The following MYO10 variants were observed in gnomAD, a reference collection of about 807,000 sequenced individuals.
The protein encoded by MYO10 is myosin X.
Under a neutral mutation model 257.3 loss-of-function variants are expected in MYO10, and 133 were observed. The ratio of observed to expected loss-of-function variants is 0.52; its 90% CI spans 0.45 to 0.60. MYO10 has a LOEUF of 0.60. Ranked by LOEUF, MYO10 falls within the 20% of genes least tolerant of loss-of-function variation. MYO10 has a pLI of 0.00. For synonymous variants in MYO10, 1,104 were observed against 1,028.6 expected (o/e 1.07, Z -1.40); for missense variants, 2,399 against 2,635.7 (o/e 0.91, Z 1.97).
chr5:16,838,284 T>G (rs1223303112), intron 2 of MYO10, among the ~76,000 whole-genome samples: 1 of 152,164 alleles, frequency 6.6e-6, no homozygotes, highest in East Asian at 1.9e-4. Flanking sequence ...GGAAAATTTC[T>G]TGAAGGAAAT....
intron 2 of MYO10, among the ~76,000 whole-genome samples, chr5:16,823,467 G>GTTTTTTTT (rs1561003861): frequency 7.5e-4 from 3 of 3,978 alleles, no homozygotes; most frequent in African/African-American, 2.0e-3. Context: ...GGGGAGTGGG[G>GTTTTTTTT]ATTTTTTTTT....
At chr5:16,860,282 C>T (rs985639357) in intron 2 of MYO10, among the ~76,000 whole-genome samples, 1 of 152,132 alleles carries the variant, frequency 6.6e-6, no homozygotes, top group Non-Finnish European at 1.5e-5. Context: ...CAGGAAGTAG[C>T]TCGACTGGAA....
chr5:16,860,533 A>G (rs1418517782), intron 2 of MYO10, among the ~76,000 whole-genome samples: 3 of 152,210 alleles, frequency 2.0e-5, no homozygotes, highest in Admixed American at 6.5e-5. Context: ...CAAAGGCCCC[A>G]GTGGTTATGA....
At chr5:16,823,468 A>T (rs868428712) in intron 2 of MYO10, among the ~76,000 whole-genome samples, 3,603 of 6,424 alleles carry the variant, frequency 0.56, 1,270 homozygotes, top group Non-Finnish European at 0.68. Flanking sequence ...GGGAGTGGGG[A>T]TTTTTTTTTT....
intron 4 of MYO10, among the ~76,000 whole-genome samples, chr5:16,791,667 A>C (rs1001834636): frequency 2.0e-5 from 3 of 152,230 alleles, no homozygotes; most frequent in Non-Finnish European, 4.4e-5. Context: ...CACTGAATGT[A>C]ATAAATACAA....
intron 1 of MYO10, among the ~76,000 whole-genome samples, chr5:16,922,400 C>G (rs546572289): frequency 6.6e-6 from 1 of 152,190 alleles, no homozygotes; most frequent in South Asian, 2.1e-4. Flanking sequence ...AGCAAAGTTT[C>G]AGAGAGATAA....
chr5:16,818,173 G>A lies in MYO10; in HGVS notation c.121-6C>T. 2.6e-6 allele frequency: 4 copies of A among 1,519,856 alleles called. No homozygotes were observed. Among genetic ancestry groups the A allele is most frequent in the Non-Finnish European group, 3.6e-6 (4 of 1,124,160 alleles). The allele number at this position is 1,519,856 out of a possible 1,614,324, so 94.1% of individuals were successfully genotyped here. A position where few individuals can be genotyped will look rare whatever the true frequency, so the allele number is the denominator to read the frequency against. ...CTCTGCTTGTAAGTGAATACCTGAGGGAGGGAGAGGAATTCAATTATTTCA... is the reference window on the plus strand; with the variant it reads ...CTCTGCTTGTAAGTGAATACCTGAGAGAGGGAGAGGAATTCAATTATTTCA... On this transcript the variant is annotated splice_polypyrimidine_tract_variant and splice_region_variant and intron_variant, in intron 2 of 40. Coordinates refer to ENST00000513610, the MANE Select transcript of MYO10 (RefSeq NM_012334.3).
chr5:16,921,943 A>T (rs249122), intron 1 of MYO10, among the ~76,000 whole-genome samples: 22 of 151,934 alleles, frequency 1.4e-4, no homozygotes, highest in Non-Finnish European at 2.6e-4. Context: ...GGCCGGGCAC[A>T]GCAGCTCCCA....
chr5:16,706,310 T>TATATATAC (rs528348703), intron 21 of MYO10, among the ~76,000 whole-genome samples: 270 of 151,862 alleles, frequency 1.8e-3, no homozygotes, highest in African/African-American at 6.2e-3. Flanking sequence ...AATATATATA[T>TATATATAC]ACACACACAC....
rs147742660 is a variant in MYO10, at chr5:16,747,646, C to T, written c.1929+7182G>A. On this transcript the variant is annotated intron_variant, in intron 19 of 40. Coordinates refer to ENST00000513610, the MANE Select transcript of MYO10 (RefSeq NM_012334.3). ...CATAAAAGAAGATAGAGGCTGGACG[C>T]GGTGGCTCACACCTGTAATCCCAGC... is the stretch of plus-strand genomic sequence containing the variant. 3.8e-3 allele frequency among the ~76,000 whole-genome samples: 583 copies of T among 152,220 alleles called. 3 individuals are homozygous for T. Among genetic ancestry groups the T allele is most frequent in the African/African-American group, 0.013 (520 of 41,556 alleles).
chr5:16,864,774 C>T (rs1228113440), intron 2 of MYO10, among the ~76,000 whole-genome samples: 1 of 152,200 alleles, frequency 6.6e-6, no homozygotes, highest in Non-Finnish European at 1.5e-5. Flanking sequence ...GACTTTCCAT[C>T]TTTGAGCCAC....
intron 19 of MYO10, among the ~76,000 whole-genome samples, chr5:16,719,196 A>T (rs1033984048): frequency 6.6e-6 from 1 of 152,168 alleles, no homozygotes; most frequent in African/African-American, 2.4e-5. Flanking sequence ...AGAAGGAAGA[A>T]ACTCCGAACA....
chr5:16,903,059 C>T (rs1376678755), intron 1 of MYO10, among the ~76,000 whole-genome samples: 3 of 152,222 alleles, frequency 2.0e-5, no homozygotes, highest in Non-Finnish European at 4.4e-5. Flanking sequence ...CTGTCCTAAA[C>T]GCTTCACACG....
At chr5:16,877,048 G>C (rs190365848) in intron 2 of MYO10, among the ~76,000 whole-genome samples, 12 of 152,212 alleles carry the variant, frequency 7.9e-5, no homozygotes, top group African/African-American at 2.4e-4. Flanking sequence ...AAGCTGGCTG[G>C]CTATGAACCA....
At chr5:16,736,939 T>C (rs1340503378) in intron 19 of MYO10, among the ~76,000 whole-genome samples, 1 of 152,220 alleles carries the variant, frequency 6.6e-6, no homozygotes, top group Admixed American at 6.5e-5. Context: ...TAAACTTCTG[T>C]GGTCCCGTAA....
At chr5:16,700,443 G>A (rs1212193527) in intron 25 of MYO10, among the ~76,000 whole-genome samples, 2 of 152,208 alleles carry the variant, frequency 1.3e-5, no homozygotes, top group African/African-American at 2.4e-5. Flanking sequence ...TTGGGGGTCC[G>A]AGGCAGGTGG....
chr5:16,893,850 T>C (rs1168223339), intron 1 of MYO10, among the ~76,000 whole-genome samples: 1 of 151,866 alleles, frequency 6.6e-6, no homozygotes, highest in Non-Finnish European at 1.5e-5. Context: ...CGTGCTGAAA[T>C]TGGAGGGGAC....
chr5:16,837,557 T>C (rs1332971199), intron 2 of MYO10, among the ~76,000 whole-genome samples: 1 of 152,172 alleles, frequency 6.6e-6, no homozygotes, highest in African/African-American at 2.4e-5. Flanking sequence ...TGGTGATGAC[T>C]GCACAACTCT....
rs535193079 is a variant in MYO10 at position 16,702,768 on chromosome 5, T to C, written c.2510+157A>G. On this transcript the variant is annotated intron_variant, in intron 23 of 40. Transcript: ENST00000513610. ...AATATTCACAGAACTGGGTCTTTAA[T>C]GCTGCCAAGGAATTTTATATTCTAG... Among the ~76,000 whole-genome samples, 12 of 152,326 alleles carry C rather than the reference T, an allele frequency of 7.9e-5. 1 individual carries two copies. The highest frequency in any genetic ancestry group is 2.9e-4 in the African/African-American group (12 of 41,576).
Sources: gnomAD v4.1 joint callset for allele counts (sites outside exome capture counted in the v4.1 genomes callset) on GRCh38, gnomAD v4.1.1 for gene constraint, MANE v1.5 for transcripts, NCBI Gene and HGNC (gene_info 2026-07-23, HGNC 2026-07-21) for gene names.